The following ANKRD50 variants were observed in gnomAD, a reference collection of about 807,000 sequenced individuals.
ANKRD50 encodes ankyrin repeat domain 50.
In ANKRD50, 40 loss-of-function variants were observed where a neutral mutation model predicts 112.0. The observed-to-expected ratio is 0.36, with a 90% confidence interval of 0.28 to 0.46. The LOEUF is 0.46. Among genes scored for constraint, ANKRD50 ranks in the 20% least tolerant of loss-of-function variants. The pLI, the probability that ANKRD50 is intolerant of heterozygous loss-of-function variation, is 1.00. For synonymous variants in ANKRD50, 613 were observed against 619.1 expected (o/e 0.99, Z 0.15); for missense variants, 1,487 against 1,701.7 (o/e 0.87, Z 2.22).
intron 2 of ANKRD50, among the ~76,000 whole-genome samples, chr4:124,698,952 T>C (rs1462558102): frequency 1.3e-5 from 2 of 152,220 alleles, no homozygotes. Context: ...GTATTCAGCT[T>C]GTTTTGTGTT....
At position 124,710,032 on chromosome 4, in the gene ANKRD50, C is replaced by G. The variant is rs1023123315; in HGVS notation, c.480G>C (p.Glu160Asp). 1 of 1,613,426 alleles carries G rather than the reference C, an allele frequency of 6.2e-7. No individual in the cohort carries two copies. The highest frequency in any genetic ancestry group is 8.5e-7 in the Non-Finnish European group (1 of 1,179,640). ...PAVQSLLQPGECERNPAEAFK... is the reference protein window; with the variant it reads ...PAVQSLLQPGDCERNPAEAFK... ...ATGCTTCGGCTGGGTTTCTCTCGCA[C>G]TCCCCAGGCTGTAAGAGGCTTTGGA... The change falls in exon 2 of 5, where the codon GAG (glutamate) becomes GAC (aspartate). Residue 160 changes from glutamate (E) to aspartate (D), a missense_variant. By Grantham distance (45) the Glu-to-Asp change is conservative (BLOSUM62 2). Around this residue, in one of 2 missense-constraint regions of ANKRD50, gnomAD observed 1,046 missense variants for 1,269.5 expected, o/e 0.82. Transcript: ENST00000504087.
chr4:124,668,602 A>G (rs954126858), intron 4 of ANKRD50, among the ~76,000 whole-genome samples: 1 of 152,074 alleles, frequency 6.6e-6, no homozygotes, highest in African/African-American at 2.4e-5. Flanking sequence ...TCATTAGTTC[A>G]TTCACTTATT....
Position 124,669,120 on chromosome 4 carries a change from T to C in ANKRD50, c.4157A>G (p.Gln1386Arg), listed in dbSNP as rs1411891234. 1 of 1,613,688 alleles carries C rather than the reference T, an allele frequency of 6.2e-7. No homozygotes were observed. Among genetic ancestry groups the C allele is most frequent in the East Asian group, 2.2e-5 (1 of 44,856 alleles). ...LGRVSVPRTMQDRGHQEVLEG... is the reference protein window; with the variant it reads ...LGRVSVPRTMRDRGHQEVLEG... ...CAACACTTCCTGATGCCCTCTATCT[T>C]GCATTGTTCGTGGGACTGAAACCCT... Residue 1386 changes from glutamine (Q) to arginine (R), a missense_variant, in exon 4 of 5, where the codon CAA becomes CGA. This residue lies in a region of ANKRD50 where 441 missense variants were observed against 432.2 expected (regional missense o/e 1.02). Coordinates refer to ENST00000504087, the MANE Select transcript of ANKRD50 (RefSeq NM_020337.3).
Position 124,671,601 on chromosome 4 carries a change from T to A in ANKRD50, c.1676A>T (p.Asp559Val). ...CCTAGAGACAAGTAAATTGACTACA[T>A]CAAGACTGCCACTATATGCAGCATT... ...LANAAYSGSL[D>V]VVNLLVSRGA... Residue 559 changes from aspartate (D) to valine (V), a missense_variant, in exon 4 of 5, where the codon GAT (aspartate) becomes GTT (valine). Physicochemically the swap from Asp to Val is radical, Grantham distance 152. Around this residue, in one of 2 missense-constraint regions of ANKRD50, gnomAD observed 1,046 missense variants for 1,269.5 expected, o/e 0.82. Coordinates refer to ENST00000504087, the MANE Select transcript of ANKRD50 (RefSeq NM_020337.3). 6.2e-7 allele frequency: 1 copy of A among 1,613,860 alleles called. No homozygotes were observed. Among genetic ancestry groups the A allele is most frequent in the Non-Finnish European group, 8.5e-7 (1 of 1,179,854 alleles).
rs144274174 is a variant in ANKRD50 at position 124,672,041 on chromosome 4, G to A, written c.1236C>T (p.Ala412=). Residue 412 remains alanine, a synonymous_variant, in exon 4 of 5, where the codon GCC becomes GCT. Coordinates refer to ENST00000504087, the MANE Select transcript of ANKRD50 (RefSeq NM_020337.3). ...AGTGTTTCACATCCAGAAGCCACTC[G>A]GCAAAACTATAATGAAACAGTATTT... ...NTKILFHYSF[A]EWLLDVKHCT... is the part of the protein sequence containing the mutation. The A allele has an allele frequency of 3.0e-5, 48 of 1,613,668 alleles. No homozygotes were observed. Among genetic ancestry groups the A allele is most frequent in the Middle Eastern group, 1.6e-4 (1 of 6,080 alleles).
rs751523274 is a variant in ANKRD50, at chr4:124,669,496, T to A, written c.3781A>T (p.Ser1261Cys). 2 of 1,612,992 alleles carry A rather than the reference T, an allele frequency of 1.2e-6. No individual in the cohort carries two copies. The highest frequency in any genetic ancestry group is 1.7e-6 in the Non-Finnish European group (2 of 1,179,702). Residue 1261 changes from serine (S) to cysteine (C), a missense_variant, in exon 4 of 5, where the codon AGT becomes TGT. By Grantham distance (112) the Ser-to-Cys change is moderately radical. Coordinates refer to ENST00000504087, the MANE Select transcript of ANKRD50 (RefSeq NM_020337.3). ...SEFEWSQVKP[S>C]LKSTKASKGG... ...TTACTTGCTTTAGTTGACTTCAAAC[T>A]GGGCTTTACTTGACTCCACTCAAAT...
At chr4:124,672,829 T>C (rs908840678) in intron 3 of ANKRD50, among the ~76,000 whole-genome samples, 3 of 152,032 alleles carry the variant, frequency 2.0e-5, no homozygotes, top group Non-Finnish European at 4.4e-5. Context: ...GCAGACAGTC[T>C]TACATAACCA....
intron 3 of ANKRD50, among the ~76,000 whole-genome samples, chr4:124,676,380 T>G (rs181222307): frequency 4.7e-4 from 72 of 151,734 alleles, no homozygotes; most frequent in African/African-American, 1.7e-3. Flanking sequence ...CAAAGAGGGC[T>G]GGGAAGTAAT....
intron 2 of ANKRD50, among the ~76,000 whole-genome samples, chr4:124,685,574 T>C: frequency 6.6e-6 from 1 of 152,284 alleles, no homozygotes; most frequent in East Asian, 1.9e-4. Flanking sequence ...TATATACATG[T>C]ATATTATTAT....
chr4:124,669,937 G>C lies in ANKRD50; in HGVS notation c.3340C>G (p.His1114Asp), dbSNP rs755055726. 6.2e-7 allele frequency: 1 copy of C among 1,613,136 alleles called. No individual in the cohort carries two copies. The highest frequency in any genetic ancestry group is 8.5e-7 in the Non-Finnish European group (1 of 1,179,736). ...SLNGCSPSPV[H>D]TMEQKPLQSL... is the part of the protein sequence containing the mutation. ...TGTAGAGGTTTTTGCTCCATTGTGT[G>C]AACAGGAGATGGGGAACAGCCATTC... is the stretch of plus-strand genomic sequence containing the variant. Residue 1114 changes from histidine (H) to aspartate (D), a missense_variant, in exon 4 of 5, where the codon CAC becomes GAC. Physicochemically the swap from His to Asp is moderately conservative, Grantham distance 81. Around this residue, in one of 2 missense-constraint regions of ANKRD50, gnomAD observed 441 missense variants for 432.2 expected, o/e 1.02. Coordinates refer to ENST00000504087, the MANE Select transcript of ANKRD50 (RefSeq NM_020337.3).
intron 3 of ANKRD50, among the ~76,000 whole-genome samples, chr4:124,677,392 C>G (rs918118394): frequency 2.0e-5 from 3 of 151,590 alleles, no homozygotes; most frequent in Non-Finnish European, 4.4e-5. Flanking sequence ...TGTCCATGAA[C>G]AGGATAACGG....
At chr4:124,682,087 C>A (rs1471796984) in intron 2 of ANKRD50, among the ~76,000 whole-genome samples, 1 of 151,940 alleles carries the variant, frequency 6.6e-6, no homozygotes, top group Non-Finnish European at 1.5e-5. Context: ...GAGGCCGAGG[C>A]GGGTGGATCA....
Position 124,672,061 on chromosome 4 carries a change from G to C in ANKRD50, c.1216C>G (p.Leu406Val), listed in dbSNP as rs1378977476. Residue 406 changes from leucine to valine, a missense_variant, in exon 4 of 5, where the codon CTG (leucine) becomes GTG (valine). Physicochemically the swap from Leu to Val is conservative, Grantham distance 32. Coordinates refer to ENST00000504087, the MANE Select transcript of ANKRD50 (RefSeq NM_020337.3). ...CACTCGGCAAAACTATAATGAAACA[G>C]TATTTTTGTATTTCCTAGTCCATCA... Reference protein sequence around the residue: ...LVDGLGNTKILFHYSFAEWLL... With the variant: ...LVDGLGNTKIVFHYSFAEWLL... The C allele has an allele frequency of 6.2e-7, 1 of 1,613,708 alleles. No individual in the cohort carries two copies.
chr4:124,696,807 C>T (rs1336426029), intron 2 of ANKRD50, among the ~76,000 whole-genome samples: 1 of 152,048 alleles, frequency 6.6e-6, no homozygotes, highest in African/African-American at 2.4e-5. Flanking sequence ...TGAATATATA[C>T]ATTTAAAATT....
Position 124,686,781 on chromosome 4 carries a change from T to C in ANKRD50, c.513-7876A>G, listed in dbSNP as rs528519207. Among the ~76,000 whole-genome samples, 5 of 152,130 alleles carry C rather than the reference T, an allele frequency of 3.3e-5. No homozygotes were observed. In the South Asian group the frequency reaches 1.0e-3, roughly 32 times the overall value. ...GAAGGTAGAGAAGATATTGAGAAAA[T>C]CCACCTGGAAAATCAGCCCATGCCC... On this transcript the variant is annotated intron_variant, in intron 2 of 4. Transcript: ENST00000504087.
At chr4:124,678,568 AG>A (rs1247673685) in intron 3 of ANKRD50, 107 bp downstream of exon 3, 2 of 950,686 alleles carry the variant, frequency 2.1e-6, no homozygotes, top group African/African-American at 3.3e-5. Context: ...AATAGCTGAT[AG>A]AAGGAGCAAA....
intron 2 of ANKRD50, among the ~76,000 whole-genome samples, chr4:124,684,239 T>C (rs1724955920): frequency 6.6e-6 from 1 of 152,224 alleles, no homozygotes; most frequent in Admixed American, 6.5e-5. Flanking sequence ...ATAGCTCTTT[T>C]TGAGTAAATT....
chr4:124,669,303 T>A lies in ANKRD50; in HGVS notation c.3974A>T (p.Glu1325Val), dbSNP rs1262689417. Reference protein sequence around the residue: ...TAAPPKQMPAESQCKIMIPSA... With the variant: ...TAAPPKQMPAVSQCKIMIPSA... ...AGGTATCATAATTTTGCATTGAGAT[T>A]CTGCTGGCATTTGTTTAGGTGGTGC... The change falls in exon 4 of 5, where the codon GAA (glutamate) becomes GTA (valine). Residue 1325 changes from glutamate to valine, a missense_variant. Physicochemically the swap from Glu to Val is moderately radical, Grantham distance 121 (BLOSUM62 -2). Around this residue, in one of 2 missense-constraint regions of ANKRD50, gnomAD observed 441 missense variants for 432.2 expected, o/e 1.02. Coordinates refer to ENST00000504087, the MANE Select transcript of ANKRD50 (RefSeq NM_020337.3). The A allele has an allele frequency of 1.2e-6, 2 of 1,613,854 alleles. No individual in the cohort carries two copies. Among genetic ancestry groups the A allele is most frequent in the African/African-American group, 1.3e-5 (1 of 74,998 alleles).
chr4:124,679,736 A>C (rs1724836112), intron 2 of ANKRD50, among the ~76,000 whole-genome samples: 1 of 152,162 alleles, frequency 6.6e-6, no homozygotes, highest in African/African-American at 2.4e-5. Context: ...TCAATATAAT[A>C]GCCACCAAGA....
Sources: gnomAD v4.1 joint callset for allele counts (sites outside exome capture counted in the v4.1 genomes callset) on GRCh38, gnomAD v4.1.1 for gene constraint, gnomAD v4.1.1 regional missense constraint, MANE v1.5 for transcripts, NCBI Gene and HGNC (gene_info 2026-07-23, HGNC 2026-07-21) for gene names.